DHX9: variants seen among roughly 807,000 people sequenced by gnomAD.
DHX9 encodes DExH-box helicase 9.
In DHX9, 27 loss-of-function variants were observed where a neutral mutation model predicts 148.7. That is an observed-to-expected ratio of 0.18 (90% CI 0.13 to 0.25). The LOEUF (loss-of-function observed/expected upper bound fraction) is 0.25. DHX9 is among the 10% of genes least tolerant of loss of function. DHX9 has a pLI of 1.00. For missense variants in DHX9, 796 were observed against 1,559.6 expected (o/e 0.51, Z 8.25); for synonymous variants, 529 against 516.6 (o/e 1.02, Z -0.33).
At chr1:182,874,684 G>A (rs1358709194) in intron 15 of DHX9, among the ~76,000 whole-genome samples, 170 bp from the exon 16 acceptor site, 1 of 152,180 alleles carries the variant, frequency 6.6e-6, no homozygotes, top group East Asian at 1.9e-4. Context: ...GGGAAACACT[G>A]AGTTTGATTA....
chr1:182,841,936 T>C (rs1667939646), intron 1 of DHX9, among the ~76,000 whole-genome samples: 1 of 152,240 alleles, frequency 6.6e-6, no homozygotes, highest in Non-Finnish European at 1.5e-5. Context: ...GTGCTTAATG[T>C]ATTTGAACTT....
intron 19 of DHX9, 63 bp from the exon 20 acceptor site, chr1:182,877,958 G>A: frequency 6.4e-7 from 1 of 1,570,078 alleles, no homozygotes; most frequent in Non-Finnish European, 8.7e-7. Flanking sequence ...ACTACTTAGT[G>A]GATATATAAT....
At chr1:182,872,600 C>CTATA in intron 15 of DHX9, 107 bp downstream of exon 15, 1 of 1,202,582 alleles carries the variant, frequency 8.3e-7, no homozygotes, top group Non-Finnish European at 1.2e-6. Context: ...AAATACAGGA[C>CTATA]AAATTATAGT....
intron 11 of DHX9, among the ~76,000 whole-genome samples, chr1:182,859,476 T>TA (rs1408900606): frequency 1.3e-5 from 2 of 152,364 alleles, no homozygotes; most frequent in African/African-American, 4.8e-5. Context: ...CATCAAAAGA[T>TA]ACATTCTTCA....
At chr1:182,856,000 G>A (rs1668244114) in intron 6 of DHX9, among the ~76,000 whole-genome samples, 1 of 152,208 alleles carries the variant, frequency 6.6e-6, no homozygotes, top group South Asian at 2.1e-4. Context: ...ATCCAGGGCT[G>A]CTTCCAACTG....
intron 3 of DHX9, among the ~76,000 whole-genome samples, chr1:182,846,441 T>G (rs1333528444): frequency 1.3e-5 from 2 of 152,106 alleles, no homozygotes; most frequent in Non-Finnish European, 2.9e-5. Context: ...TCCATGTTGG[T>G]CAGGCTGGTC....
Position 182,879,235 on chromosome 1 carries a change from C to T in DHX9, c.2352-15C>T, listed in dbSNP as rs1295122441. The stretch of plus-strand genomic sequence containing the variant: ...ACACAAGGAGGATGGTTATTTTATG[C>T]TTATTTTCTCTTAGACTTGAAACCC... On this transcript the variant is annotated splice_polypyrimidine_tract_variant and intron_variant, in intron 20 of 27. Transcript: ENST00000367549. 6.9e-7 allele frequency: 1 copy of T among 1,440,840 alleles called. No homozygotes were observed. The allele number at this position is 1,440,840 out of a possible 1,614,324, so 89.3% of individuals were successfully genotyped here.
Position 182,852,358 on chromosome 1 carries a change from A to G in DHX9, c.364+14A>G, listed in dbSNP as rs1362607504. 3 of 1,548,674 alleles carry G rather than the reference A, an allele frequency of 1.9e-6. No individual in the cohort carries two copies. Among genetic ancestry groups the G allele is most frequent in the East Asian group, 2.3e-5 (1 of 44,326 alleles). Reference sequence around the variant, plus strand: ...CTCTCAAAGCAGGTAAGGGACTTGAATCCATGCACGTGGTGGAGAATAAGA... The same window carrying G: ...CTCTCAAAGCAGGTAAGGGACTTGAGTCCATGCACGTGGTGGAGAATAAGA... On this transcript the variant is annotated intron_variant, in intron 4 of 27. Coordinates refer to ENST00000367549, the MANE Select transcript of DHX9 (RefSeq NM_001357.5).
chr1:182,876,768 A>G, intron 18 of DHX9, 62 bp from the exon 19 acceptor site: 5 of 1,300,890 alleles, frequency 3.8e-6, no homozygotes, highest in Non-Finnish European at 5.5e-6. Context: ...ACATAAGCAA[A>G]TCAGTCCTTT....
chr1:182,884,508 A>C, intron 26 of DHX9, 105 bp from the exon 27 acceptor site: 1 of 1,025,242 alleles, frequency 9.8e-7, no homozygotes, highest in Non-Finnish European at 1.4e-6. Flanking sequence ...TTAATGCTTA[A>C]GAAGTTAAAT....
In DHX9 at chr1:182,858,322, A is replaced by T. The variant is rs947259236; in HGVS notation, c.810+82A>T. On this transcript the variant is annotated intron_variant, in intron 8 of 27. Transcript: ENST00000367549. ...GTTTAGTGTTTGGCTGAAGAAGTTT[A>T]ATTTTAAGAATCTTACCTCAGGAAA... is the stretch of plus-strand genomic sequence containing the variant. 30 of 1,481,182 alleles carry T rather than the reference A, an allele frequency of 2.0e-5. No individual in the cohort carries two copies. In the South Asian group the frequency reaches 3.2e-4, roughly 16 times the overall value. The allele number at this position is 1,481,182 out of a possible 1,614,324, so 91.8% of individuals were successfully genotyped here. A position where few individuals can be genotyped will look rare whatever the true frequency, so the allele number is the denominator to read the frequency against.
intron 3 of DHX9, among the ~76,000 whole-genome samples, chr1:182,849,982 A>AACCC (rs1668103951): frequency 8.1e-6 from 1 of 123,946 alleles, no homozygotes; most frequent in African/African-American, 3.4e-5. Context: ...GTACACACGT[A>AACCC]CCCCCCCCCC....
intron 1 of DHX9, among the ~76,000 whole-genome samples, chr1:182,840,821 A>G (rs1667912738): frequency 6.6e-6 from 1 of 152,190 alleles, no homozygotes; most frequent in Non-Finnish European, 1.5e-5. Context: ...ACGACTCTCA[A>G]CTTGTGCCAG....
intron 11 of DHX9, 99 bp from the exon 12 acceptor site, chr1:182,859,894 G>C (rs571077551): frequency 8.3e-7 from 1 of 1,202,832 alleles, no homozygotes; most frequent in Non-Finnish European, 1.2e-6. Context: ...GTGAGCCACC[G>C]CGCCCAGTCT....
rs770219235 is a variant in DHX9, at chr1:182,858,463, T to C, written c.811-88T>C. 187 of 1,221,990 alleles carry C rather than the reference T, an allele frequency of 1.5e-4. 1 individual carries two copies. The Middle Eastern group carries it at 1.7e-3, about 11-fold the overall frequency. 75.7% of individuals were successfully genotyped at this position (1,221,990 alleles called of 1,614,324 possible). A position where few individuals can be genotyped will look rare whatever the true frequency, so the allele number is the denominator to read the frequency against. ...AGGGAACTGACTATTGGTTTAGGAA[T>C]ATTGTAGACCTAGTGTTGACTGTAT... On this transcript the variant is annotated intron_variant, in intron 8 of 27. Coordinates refer to ENST00000367549, the MANE Select transcript of DHX9 (RefSeq NM_001357.5).
chr1:182,879,194 ATT>A (rs1648970287), intron 20 of DHX9, 54 bp from the exon 21 acceptor site: 1 of 1,351,654 alleles, frequency 7.4e-7, no homozygotes, highest in East Asian at 2.5e-5. Flanking sequence ...CAAAAAGTTT[ATT>A]AACATCTGTG....
chr1:182,841,797 TCTTGTGGTATTTTATAGA>T (rs1254703392), intron 1 of DHX9, among the ~76,000 whole-genome samples: 1 of 152,254 alleles, frequency 6.6e-6, no homozygotes, highest in African/African-American at 2.4e-5. Context: ...AGGCTCCATA[TCTTGTGGTATTTTATAGA>T]CTTGTTGCAC....
At chr1:182,858,276 G>A in intron 8 of DHX9, 36 bp downstream of exon 8, 1 of 1,597,058 alleles carries the variant, frequency 6.3e-7, no homozygotes, top group Non-Finnish European at 8.5e-7. Flanking sequence ...GTGAGATAGT[G>A]TGAGATTCAA....
At chr1:182,862,693 A>G (rs535284642) in intron 12 of DHX9, among the ~76,000 whole-genome samples, 1 of 152,334 alleles carries the variant, frequency 6.6e-6, no homozygotes, top group East Asian at 1.9e-4. Context: ...TTAGATGTGA[A>G]AAAGCAAAGT....
Sources: gnomAD v4.1 joint callset for allele counts (sites outside exome capture counted in the v4.1 genomes callset) on GRCh38, gnomAD v4.1.1 for gene constraint, MANE v1.5 for transcripts, NCBI Gene and HGNC (gene_info 2026-07-23, HGNC 2026-07-21) for gene names.